Variants in WHR1 observed in about 807,000 individuals in gnomAD.
WHR1 encodes the protein winged helix repair factor 1, also known as MHC class III HLA-RP1.
the WHR1 span, among the ~76,000 whole-genome samples, chr6:31,978,055 C>T: frequency 1.1e-3 from 168 of 151,944 alleles, no homozygotes; most frequent in African/African-American, 2.8e-3. Flanking sequence ...CCCAAAGTGC[C>T]GGGATTACAG....
chr6:31,978,659 G>T, the WHR1 span, among the ~76,000 whole-genome samples: 1 of 152,150 alleles, frequency 6.6e-6, no homozygotes, highest in Non-Finnish European at 1.5e-5. Context: ...TTAGTGCCTG[G>T]TCTTAGAAAT....
At chr6:31,979,651 C>A in the WHR1 span, 1 of 1,495,360 alleles carries the variant, frequency 6.7e-7, no homozygotes. Flanking sequence ...GGTGAACCTG[C>A]CAGAAAAGCT....
At chr6:31,976,427 G>A in the WHR1 span, among the ~76,000 whole-genome samples, 3 of 146,716 alleles carry the variant, frequency 2.0e-5, no homozygotes, top group Non-Finnish European at 4.5e-5. Flanking sequence ...GGGCAGAGGC[G>A]CTCCTCACAT....
the WHR1 span, among the ~76,000 whole-genome samples, chr6:31,978,735 A>G: frequency 3.3e-5 from 5 of 152,188 alleles, no homozygotes; most frequent in Admixed American, 1.3e-4. Context: ...CTAGTTGGAA[A>G]AGGCTGCTTG....
At chr6:31,972,490 G>T in the WHR1 span, 3 of 1,612,174 alleles carry the variant, frequency 1.9e-6, no homozygotes, top group African/African-American at 2.7e-5. This position sits in a 1 kb window ranked among gnomAD's most constrained non-coding sequence, Gnocchi z 6.3. Context: ...TGTGGAGTCG[G>T]ATCCTCTTCG....
At chr6:31,977,529 T>G in the WHR1 span, among the ~76,000 whole-genome samples, 1 of 151,974 alleles carries the variant, frequency 6.6e-6, no homozygotes, top group Non-Finnish European at 1.5e-5. Context: ...TTTTGTATTT[T>G]TAGTAGAGAT....
the WHR1 span, chr6:31,971,273 G>A: frequency 6.5e-7 from 1 of 1,536,914 alleles, no homozygotes; most frequent in Admixed American, 2.0e-5. This position sits in a 1 kb window ranked among gnomAD's most constrained non-coding sequence, Gnocchi z 4.5. Flanking sequence ...TAATTTTAGA[G>A]GGTAGGTACG....
At chr6:31,975,520 G>C in the WHR1 span, among the ~76,000 whole-genome samples, 1 of 149,788 alleles carries the variant, frequency 6.7e-6, no homozygotes, top group Non-Finnish European at 1.5e-5. Flanking sequence ...ATTTTTATAG[G>C]GATGGGGTTT....
chr6:31,980,509 G>C, the WHR1 span: 1 of 1,613,124 alleles, frequency 6.2e-7, no homozygotes, highest in Non-Finnish European at 8.5e-7. Context: ...GTGGCTAGCT[G>C]TGCCTGGAGC....
chr6:31,972,108 G>A, the WHR1 span: 26 of 1,612,996 alleles, frequency 1.6e-5, no homozygotes, highest in Non-Finnish European at 2.2e-5. This position sits in a 1 kb window ranked among gnomAD's most constrained non-coding sequence, Gnocchi z 6.3. Flanking sequence ...TGACACCAAC[G>A]TGGCCACCGG....
the WHR1 span, chr6:31,980,008 A>G: frequency 4.8e-6 from 1 of 208,080 alleles, no homozygotes; most frequent in Non-Finnish European, 9.7e-6. Flanking sequence ...CCCATGGAAT[A>G]TGTGAAAGCA....
chr6:31,974,631 A>G, the WHR1 span, among the ~76,000 whole-genome samples: 1 of 152,308 alleles, frequency 6.6e-6, no homozygotes, highest in South Asian at 2.1e-4. Context: ...GGTGGTGTGC[A>G]CCTATTGTTC....
chr6:31,972,591 C>T, the WHR1 span: 1 of 1,599,144 alleles, frequency 6.3e-7, no homozygotes, highest in Non-Finnish European at 8.6e-7. This position sits in a 1 kb window ranked among gnomAD's most constrained non-coding sequence, Gnocchi z 6.3. Context: ...CGCCCCAGTT[C>T]CCTGTCCGTG....
chr6:31,975,705 C>T, the WHR1 span, among the ~76,000 whole-genome samples: 3 of 151,762 alleles, frequency 2.0e-5, no homozygotes, highest in Non-Finnish European at 2.9e-5. Flanking sequence ...GGCAACCATC[C>T]GATTTCTCAA....
chr6:31,980,475 C>T, the WHR1 span: 5 of 1,613,110 alleles, frequency 3.1e-6, no homozygotes, highest in Non-Finnish European at 4.2e-6. Flanking sequence ...CTGGAGTCCT[C>T]ACCGTCCGAG....
At chr6:31,975,360 C>T in the WHR1 span, among the ~76,000 whole-genome samples, 2 of 152,074 alleles carry the variant, frequency 1.3e-5, no homozygotes, top group Non-Finnish European at 2.9e-5. Flanking sequence ...CGCCACCATG[C>T]CCAGCTAATT....
At chr6:31,980,576 G>T in the WHR1 span, 1 of 1,606,270 alleles carries the variant, frequency 6.2e-7, no homozygotes, top group South Asian at 1.1e-5. Context: ...CAAGCCTGCA[G>T]CCCCTCACCT....
At chr6:31,971,757 G>T in the WHR1 span, 1 of 1,427,512 alleles carries the variant, frequency 7.0e-7, no homozygotes, top group South Asian at 1.4e-5. This position sits in a 1 kb window ranked among gnomAD's most constrained non-coding sequence, Gnocchi z 4.5. Flanking sequence ...AGGACTAAGC[G>T]AGCCACCTGA....
chr6:31,977,604 C>G, the WHR1 span, among the ~76,000 whole-genome samples: 1 of 152,032 alleles, frequency 6.6e-6, no homozygotes, highest in Non-Finnish European at 1.5e-5. Flanking sequence ...CCGTCTCAGC[C>G]TGCCAAAGTG....
Sources: gnomAD v4.1 joint callset for allele counts (sites outside exome capture counted in the v4.1 genomes callset) on GRCh38, gnomAD v4.1.1 for gene constraint, Gnocchi (gnomAD v3.1) non-coding constraint, MANE v1.5 for transcripts, NCBI Gene and HGNC (gene_info 2026-07-23, HGNC 2026-07-21) for gene names.